SLC9A7: variants seen among roughly 807,000 people sequenced by gnomAD.
SLC9A7 encodes sodium/hydrogen exchanger 7.
A neutral mutation model predicts 52.6 loss-of-function variants in SLC9A7; 19 were observed. That is an observed-to-expected ratio of 0.36 (90% CI 0.25 to 0.53). SLC9A7 has a LOEUF of 0.53. Among genes scored for constraint, SLC9A7 ranks in the 20% least tolerant of loss-of-function variants. The probability of loss-of-function intolerance (pLI) is 0.91; values close to 1 mark genes in which losing one functional copy is unlikely to be tolerated. For synonymous variants in SLC9A7, 226 were observed against 252.1 expected, an observed-to-expected ratio of 0.90 and a Z score of 0.98; for missense variants, 455 against 597.9, an observed-to-expected ratio of 0.76 and a Z score of 2.49.
At position 46,750,748 on chromosome X, in the gene SLC9A7, A is replaced by G. The variant is rs782349179; in HGVS notation, c.325+7957T>C. Among the ~76,000 whole-genome samples, 209 of 112,411 alleles carry G rather than the reference A, an allele frequency of 1.9e-3. 1 individual carries two copies. The highest frequency in any genetic ancestry group is 3.0e-3 in the Non-Finnish European group (158 of 53,329). On this transcript the variant is annotated intron_variant, in intron 1 of 16. Transcript: ENST00000616978. ...TCTAACAGGTGCTCAATAAACAGTT[A>G]CTATTTTTTTCTACTATTATTTTAT...
At chrX:46,664,550 C>T (rs926996785) in intron 5 of SLC9A7, among the ~76,000 whole-genome samples, 1 of 111,054 alleles carries the variant, frequency 9.0e-6, no homozygotes, top group Admixed American at 9.6e-5. Flanking sequence ...TAACCACACC[C>T]CTGTTCAAGA....
chrX:46,626,306 G>A (rs748356435), intron 14 of SLC9A7, among the ~76,000 whole-genome samples: 1 of 111,715 alleles, frequency 9.0e-6, no homozygotes, highest in Non-Finnish European at 1.9e-5. Context: ...ATGGAGTCTC[G>A]CTGTGTCACC....
chrX:46,757,511 A>T (rs1490721868), intron 1 of SLC9A7, among the ~76,000 whole-genome samples: 2 of 112,639 alleles, frequency 1.8e-5, no homozygotes, highest in Non-Finnish European at 3.7e-5. Flanking sequence ...AACCAAGGGT[A>T]ATTTTCACAT....
At chrX:46,732,487 A>T (rs1945059294) in intron 1 of SLC9A7, among the ~76,000 whole-genome samples, 1 of 109,505 alleles carries the variant, frequency 9.1e-6, no homozygotes, top group Non-Finnish European at 1.9e-5. Flanking sequence ...CGGGAGGCGG[A>T]GGTTGCAGTG....
chrX:46,675,940 C>T (rs920443882), intron 3 of SLC9A7, among the ~76,000 whole-genome samples: 1 of 112,447 alleles, frequency 8.9e-6, no homozygotes, highest in Non-Finnish European at 1.9e-5. Flanking sequence ...CCGAGAGCTT[C>T]CAAACAGCTG....
intron 1 of SLC9A7, among the ~76,000 whole-genome samples, chrX:46,698,403 A>G (rs1944480910): frequency 8.9e-6 from 1 of 112,254 alleles, no homozygotes; most frequent in Admixed American, 9.5e-5. Context: ...TAAGGAAAAT[A>G]GAAAAGAACC....
rs758197069 is a variant in SLC9A7, at chrX:46,634,165, C to T, written c.1676+1424G>A. Among the ~76,000 whole-genome samples, 156 of 111,753 alleles carry T rather than the reference C, an allele frequency of 1.4e-3. 1 individual carries two copies. The highest frequency in any genetic ancestry group is 2.0e-3 in the Non-Finnish European group (106 of 53,145). ...ATCTTATTTTAGCATTCCCCTGATA[C>T]ATCAGGGCTAAGCTCATAAGAACAC... is the stretch of plus-strand genomic sequence containing the variant. On this transcript the variant is annotated intron_variant, in intron 13 of 16. Transcript: ENST00000616978.
Position 46,635,616 on chromosome X carries a change from T to C in SLC9A7, c.1649A>G (p.Gln550Arg), listed in dbSNP as rs1277054923. ...VGVEEPSEED[Q>R]NEHHWQYFRV... The stretch of plus-strand genomic sequence containing the variant: ...GAAGTACTGCCAGTGGTGTTCATTC[T>C]GGTCCTCTTCGGAGGGCTCCTCGAC... The change falls in exon 13 of 17, where the codon CAG becomes CGG. Residue 550 changes from glutamine (Q) to arginine (R), a missense_variant. This residue lies in a region of SLC9A7 where 146 missense variants were observed against 160.5 expected (regional missense o/e 0.91). Coordinates refer to ENST00000616978, the MANE Select transcript of SLC9A7 (RefSeq NM_001257291.2). The C allele has an allele frequency of 3.3e-6, 4 of 1,209,320 alleles. No homozygotes were observed. Among genetic ancestry groups the C allele is most frequent in the South Asian group, 3.5e-5 (2 of 56,778 alleles).
chrX:46,606,433 T>G lies in SLC9A7; in HGVS notation c.*519A>C. On this transcript the variant is annotated 3_prime_UTR_variant, in exon 17 of 17. Coordinates refer to ENST00000616978, the MANE Select transcript of SLC9A7 (RefSeq NM_001257291.2). Reference sequence around the variant, plus strand: ...GATATGAGGTTGCAGTCAAGCAGACTTCGTTGCCAGAGCCTCCAAATTGCT... The same window carrying G: ...GATATGAGGTTGCAGTCAAGCAGACGTCGTTGCCAGAGCCTCCAAATTGCT... 1 of 757,595 alleles carries G rather than the reference T, an allele frequency of 1.3e-6. No homozygotes were observed. The highest frequency in any genetic ancestry group is 1.6e-6 in the Non-Finnish European group (1 of 641,280). The allele number at this position is 757,595 out of a possible 1,213,427, so 62.4% of individuals were successfully genotyped here. A position where few individuals can be genotyped will look rare whatever the true frequency, so the allele number is the denominator to read the frequency against.
At chrX:46,662,505 T>C in intron 6 of SLC9A7, 33 bp downstream of exon 6, 2 of 1,049,817 alleles carry the variant, frequency 1.9e-6, no homozygotes, top group East Asian at 6.1e-5. Flanking sequence ...GAAACTGGGG[T>C]GTCTCTTCTC....
At chrX:46,693,327 A>G (rs1944406326) in intron 1 of SLC9A7, among the ~76,000 whole-genome samples, 1 of 111,749 alleles carries the variant, frequency 8.9e-6, no homozygotes, top group Non-Finnish European at 1.9e-5. Context: ...GGTGAATTTC[A>G]CTTCCACATT....
At chrX:46,646,822 A>C in intron 11 of SLC9A7, 1 of 331,977 alleles carries the variant, frequency 3.0e-6, no homozygotes, top group Non-Finnish European at 5.9e-6. Flanking sequence ...TCCCCTCCTT[A>C]ATCTGGGGAA....
chrX:46,684,274 G>A (rs982885213), intron 1 of SLC9A7, among the ~76,000 whole-genome samples: 2 of 111,541 alleles, frequency 1.8e-5, no homozygotes, highest in Non-Finnish European at 3.8e-5. Context: ...GTGCAATCTC[G>A]GCTTGCTGCA....
chrX:46,662,450 T>C (rs746366664), intron 6 of SLC9A7, 88 bp downstream of exon 6: 1 of 649,366 alleles, frequency 1.5e-6, no homozygotes, highest in South Asian at 2.8e-5. Flanking sequence ...ATTCAATATG[T>C]AATACATTTA....
intron 12 of SLC9A7, among the ~76,000 whole-genome samples, chrX:46,636,950 T>C (rs560444838): frequency 1.8e-5 from 2 of 112,186 alleles, no homozygotes; most frequent in East Asian, 5.5e-4. Flanking sequence ...ACTCTATTAC[T>C]ACAACATCGA....
chrX:46,749,587 C>T (rs1922085208), intron 1 of SLC9A7, among the ~76,000 whole-genome samples: 1 of 111,981 alleles, frequency 8.9e-6, no homozygotes, highest in African/African-American at 3.2e-5. Flanking sequence ...CCCTAAAACA[C>T]TGGTAGCCTT....
chrX:46,655,812 C>T (rs1254360387), intron 7 of SLC9A7, among the ~76,000 whole-genome samples: 5 of 112,813 alleles, frequency 4.4e-5, no homozygotes, highest in Non-Finnish European at 9.4e-5. Flanking sequence ...CCCGCCATTG[C>T]CCAGGCTTGT....
intron 1 of SLC9A7, among the ~76,000 whole-genome samples, chrX:46,699,855 C>T (rs1944503121): frequency 9.0e-6 from 1 of 111,686 alleles, no homozygotes; most frequent in African/African-American, 3.3e-5. Flanking sequence ...GTGGCTCATG[C>T]CTACAATCTC....
intron 1 of SLC9A7, among the ~76,000 whole-genome samples, chrX:46,720,297 G>C (rs544068501): frequency 1.8e-5 from 2 of 111,307 alleles, no homozygotes; most frequent in South Asian, 7.6e-4. Flanking sequence ...CCACTGAGTA[G>C]CACCTCATCA....
Sources: gnomAD v4.1 joint callset for allele counts (sites outside exome capture counted in the v4.1 genomes callset) on GRCh38, gnomAD v4.1.1 for gene constraint, gnomAD v4.1.1 regional missense constraint, MANE v1.5 for transcripts, NCBI Gene and HGNC (gene_info 2026-07-23, HGNC 2026-07-21) for gene names.